Variants in GRIN2B observed in about 807,000 individuals in gnomAD.
GRIN2B encodes glutamate receptor ionotropic, NMDA 2B.
In GRIN2B, 5 loss-of-function variants were observed where a neutral mutation model predicts 114.5. The observed-to-expected ratio is 0.04, with a 90% CI of 0.02 to 0.09. The LOEUF (loss-of-function observed/expected upper bound fraction) is 0.09. GRIN2B is among the 10% of genes least tolerant of loss of function. The pLI is 1.00. For missense variants in GRIN2B, 1,108 were observed against 1,943.5 expected (o/e 0.57, Z 8.08); for synonymous variants, 787 against 745.1 (o/e 1.06, Z -0.92).
intron 3 of GRIN2B, among the ~76,000 whole-genome samples, chr12:13,804,426 C>T (rs1190481862): frequency 6.6e-6 from 1 of 151,970 alleles, no homozygotes; most frequent in Non-Finnish European, 1.5e-5. Context: ...TGATCAACCC[C>T]ATCTATTTTT....
chr12:13,568,460 T>C (rs958480786), intron 12 of GRIN2B, among the ~76,000 whole-genome samples: 4 of 152,218 alleles, frequency 2.6e-5, no homozygotes, highest in African/African-American at 9.7e-5. Flanking sequence ...ACAGCTACAC[T>C]AAAATTACAG....
At position 13,814,839 on chromosome 12, in the gene GRIN2B, C is replaced by A. The variant is rs1378660918; in HGVS notation, c.411+50959G>T. Among the ~76,000 whole-genome samples, 11 of 152,298 alleles carry A rather than the reference C, an allele frequency of 7.2e-5. No individual in the cohort carries two copies. In the South Asian group the frequency reaches 2.3e-3, roughly 32 times the overall value. On this transcript the variant is annotated intron_variant, in intron 3 of 13. Coordinates refer to ENST00000609686, the MANE Select transcript of GRIN2B (RefSeq NM_000834.5). ...AATAGCCACATTTGGCTAGTGGCTACTGTACTGGTCACTACAGGAACTTCA... is the reference window on the plus strand; with the variant it reads ...AATAGCCACATTTGGCTAGTGGCTAATGTACTGGTCACTACAGGAACTTCA...
intron 5 of GRIN2B, among the ~76,000 whole-genome samples, chr12:13,659,396 T>C (rs1485011388): frequency 1.3e-5 from 2 of 152,188 alleles, no homozygotes; most frequent in African/African-American, 2.4e-5. Context: ...AGGCCCAAGA[T>C]GACTGCGGCA....
At chr12:13,777,024 G>T (rs1034459399) in intron 3 of GRIN2B, among the ~76,000 whole-genome samples, 2 of 152,060 alleles carry the variant, frequency 1.3e-5, no homozygotes, top group African/African-American at 4.8e-5. Flanking sequence ...TGTCCCTAAG[G>T]TGCAAGTTCT....
intron 3 of GRIN2B, among the ~76,000 whole-genome samples, chr12:13,765,662 T>G (rs1863768818): frequency 6.6e-6 from 1 of 152,246 alleles, no homozygotes; most frequent in African/African-American, 2.4e-5. Context: ...ATTCATTGAG[T>G]GCTTATAGCA....
At position 13,547,801 on chromosome 12, in the gene GRIN2B, C is replaced by T. The variant is rs1948361516; in HGVS notation, c.*14982G>A. On this transcript the variant is annotated 3_prime_UTR_variant, in exon 14 of 14. Transcript: ENST00000609686. The stretch of plus-strand genomic sequence containing the variant: ...TCTTTTGGAAGTTATTGGGCATCTG[C>T]ATTTTCCCAGGAGACTTCTCTCCAC... 1 of 151,770 alleles carries T rather than the reference C, an allele frequency of 6.6e-6. No homozygotes were observed. The highest frequency in any genetic ancestry group is 2.4e-5 in the African/African-American group (1 of 41,336). 9.4% of individuals were successfully genotyped at this position (151,770 alleles called of 1,614,324 possible). A position where few individuals can be genotyped will look rare whatever the true frequency, so the allele number is the denominator to read the frequency against.
At chr12:13,696,424 G>A (rs17220537) in intron 4 of GRIN2B, among the ~76,000 whole-genome samples, 6,304 of 152,206 alleles carry the variant, frequency 0.041, 225 homozygotes, top group East Asian at 0.15. Context: ...TGGGATATAA[G>A]ATGATTGCTT....
intron 3 of GRIN2B, among the ~76,000 whole-genome samples, chr12:13,825,496 T>TTG (rs55893904): frequency 0.015 from 1,789 of 122,952 alleles, 34 homozygotes; most frequent in African/African-American, 0.036. Flanking sequence ...TATATATATT[T>TTG]TGTGTGTGTG....
At chr12:13,787,282 T>A (rs1340096257) in intron 3 of GRIN2B, among the ~76,000 whole-genome samples, 1 of 152,216 alleles carries the variant, frequency 6.6e-6, no homozygotes, top group African/African-American at 2.4e-5. Context: ...TCATTGCTTA[T>A]CGGACACGTA....
intron 3 of GRIN2B, among the ~76,000 whole-genome samples, chr12:13,836,989 C>A (rs1865281317): frequency 6.6e-6 from 1 of 152,152 alleles, no homozygotes; most frequent in African/African-American, 2.4e-5. Context: ...TATCCCCGGG[C>A]TCTCTCTTTC....
intron 2 of GRIN2B, among the ~76,000 whole-genome samples, chr12:13,897,636 G>A (rs1342774958): frequency 6.6e-6 from 1 of 152,066 alleles, no homozygotes; most frequent in Non-Finnish European, 1.5e-5. Context: ...ATCCCTCTGG[G>A]CCCTGGGATT....
chr12:13,840,435 C>G (rs753873447), intron 3 of GRIN2B, among the ~76,000 whole-genome samples: 4 of 152,084 alleles, frequency 2.6e-5, no homozygotes, highest in Non-Finnish European at 4.4e-5. Flanking sequence ...ACAAAGATAC[C>G]TGATTTAGAT....
chr12:13,570,484 A>AGG (rs1565457334), intron 11 of GRIN2B, among the ~76,000 whole-genome samples: 2 of 152,130 alleles, frequency 1.3e-5, no homozygotes, highest in African/African-American at 4.8e-5. Context: ...TGTGGTCAGG[A>AGG]AGGTTCCAGT....
At chr12:13,701,102 A>G (rs920472767) in intron 4 of GRIN2B, among the ~76,000 whole-genome samples, 2 of 152,168 alleles carry the variant, frequency 1.3e-5, no homozygotes, top group Non-Finnish European at 2.9e-5. Flanking sequence ...AAGAACTAAC[A>G]CACACTTATA....
intron 2 of GRIN2B, among the ~76,000 whole-genome samples, chr12:13,936,296 C>A (rs1411956845): frequency 6.6e-6 from 1 of 152,142 alleles, no homozygotes; most frequent in Non-Finnish European, 1.5e-5. Flanking sequence ...AGTAGAACAG[C>A]CTTCTTTAAA....
chr12:13,948,272 T>C (rs1218396518), intron 2 of GRIN2B, among the ~76,000 whole-genome samples: 1 of 152,144 alleles, frequency 6.6e-6, no homozygotes, highest in Non-Finnish European at 1.5e-5. Context: ...TTTCTTTTCA[T>C]AAGGATCAAT....
chr12:13,810,625 T>C (rs2136683606), intron 3 of GRIN2B, among the ~76,000 whole-genome samples: 1 of 152,272 alleles, frequency 6.6e-6, no homozygotes, highest in East Asian at 1.9e-4. Flanking sequence ...AATGGAATAA[T>C]CCCATTACTA....
Position 13,694,656 on chromosome 12 carries a change from C to CACATATATATATAT in GRIN2B, c.1011-18798_1011-18797insATATATATATATGT, listed in dbSNP as rs1555122534. ...CCCAGTCTATTGTGCAAGAAAATGTCATATATATATATATATATATATATA... is the reference window on the plus strand; with the variant it reads ...CCCAGTCTATTGTGCAAGAAAATGTCACATATATATATATATATATATATATATATATATATATA... On this transcript the variant is annotated intron_variant, in intron 4 of 13. Coordinates refer to ENST00000609686, the MANE Select transcript of GRIN2B (RefSeq NM_000834.5). 1.9e-3 allele frequency among the ~76,000 whole-genome samples: 135 copies of CACATATATATATAT among 71,334 alleles called. 17 individuals carry two copies. The highest frequency in any genetic ancestry group is 3.9e-3 in the East Asian group (9 of 2,280). 46.8% of individuals were successfully genotyped at this position (71,334 alleles called of 152,430 possible).
rs575730426 is a variant in GRIN2B, at chr12:13,915,895, C to T, written c.-18-49669G>A. Among the ~76,000 whole-genome samples the T allele has an allele frequency of 2.0e-5, 3 of 152,088 alleles. No individual in the cohort carries two copies. In the South Asian group the frequency reaches 6.2e-4, roughly 32 times the overall value. On this transcript the variant is annotated intron_variant, in intron 2 of 13. Transcript: ENST00000609686. ...AATGAGATCACTCAATGGCTATTTC[C>T]AGTGCCCTTCAATCACTAGGCAACT...
Sources: allele counts gnomAD v4.1 joint callset (sites outside exome capture counted in the v4.1 genomes callset), GRCh38; gene constraint gnomAD v4.1.1; transcripts MANE v1.5; gene names NCBI Gene and HGNC (gene_info 2026-07-23, HGNC 2026-07-21).